SPEN: variants seen among roughly 807,000 people sequenced by gnomAD.
SPEN encodes msx2-interacting protein.
A neutral mutation model predicts 269.9 loss-of-function variants in SPEN; 18 were observed. The ratio of observed to expected loss-of-function variants is 0.07; its 90% CI spans 0.05 to 0.10. SPEN has a LOEUF of 0.10. SPEN is among the 10% of genes least tolerant of loss of function. The pLI, the probability that SPEN is intolerant of heterozygous loss-of-function variation, is 1.00. For synonymous variants in SPEN, 1,726 were observed against 1,765.7 expected (o/e 0.98, Z 0.56); for missense variants, 3,822 against 4,631.2 (o/e 0.83, Z 5.07).
At chr1:15,936,533 C>T (rs183467891) in intron 11 of SPEN, among the ~76,000 whole-genome samples, 7 of 151,488 alleles carry the variant, frequency 4.6e-5, no homozygotes, top group Non-Finnish European at 7.4e-5. Context: ...CCTGTGGTTT[C>T]AGCTACCTGG....
intron 3 of SPEN, among the ~76,000 whole-genome samples, chr1:15,883,366 G>C (rs1570001565): frequency 6.6e-6 from 1 of 152,136 alleles, no homozygotes; most frequent in Non-Finnish European, 1.5e-5. Context: ...TTAAGATATG[G>C]AAAGTCTTAT....
chr1:15,866,095 G>C (rs1387864059), intron 1 of SPEN, among the ~76,000 whole-genome samples: 2 of 151,692 alleles, frequency 1.3e-5, no homozygotes, highest in African/African-American at 4.8e-5. Flanking sequence ...TATTATTTTT[G>C]GCATAAGCTA....
chr1:15,863,004 G>A (rs370804944), intron 1 of SPEN, among the ~76,000 whole-genome samples: 93 of 152,158 alleles, frequency 6.1e-4, no homozygotes, highest in African/African-American at 2.2e-3. Flanking sequence ...CTTGTGGTCT[G>A]CCTACCTCAG....
At chr1:15,873,400 C>G in intron 2 of SPEN, 1 of 1,173,584 alleles carries the variant, frequency 8.5e-7, no homozygotes. Flanking sequence ...TTTGGAGTTA[C>G]CTGTCTTCTA....
chr1:15,866,498 C>T (rs1031642573), intron 1 of SPEN, among the ~76,000 whole-genome samples: 3 of 152,048 alleles, frequency 2.0e-5, no homozygotes, highest in East Asian at 1.9e-4. Context: ...GGACTACAGG[C>T]GCCTGCCACC....
At position 15,930,648 on chromosome 1, in the gene SPEN, C is replaced by G. The variant is rs769218008; in HGVS notation, c.4408C>G (p.Arg1470Gly). The G allele has an allele frequency of 3.7e-6, 6 of 1,614,018 alleles. No homozygotes were observed. The highest frequency in any genetic ancestry group is 4.2e-6 in the Non-Finnish European group (5 of 1,180,014). Residue 1470 changes from arginine (R) to glycine (G), a missense_variant, in exon 11 of 15, where the codon CGA becomes GGA. Coordinates refer to ENST00000375759, the MANE Select transcript of SPEN (RefSeq NM_015001.3). This position sits in a 1 kb window ranked among gnomAD's most constrained non-coding sequence, Gnocchi z 5.3. ...ENWSFLDWDS[R>G]FANFRNNKDK... Reference sequence around the variant, plus strand: ...TTGGTCTTTTCTTGATTGGGACTCCCGATTTGCAAATTTTCGAAACAACAA... The same window carrying G: ...TTGGTCTTTTCTTGATTGGGACTCCGGATTTGCAAATTTTCGAAACAACAA...
chr1:15,924,229 A>G (rs2071146276), intron 10 of SPEN, among the ~76,000 whole-genome samples: 1 of 152,216 alleles, frequency 6.6e-6, no homozygotes, highest in Non-Finnish European at 1.5e-5. Context: ...AAAATTCTCT[A>G]TCCTGGCTTC....
chr1:15,849,580 C>T (rs1276480324), intron 1 of SPEN, among the ~76,000 whole-genome samples: 1 of 151,848 alleles, frequency 6.6e-6, no homozygotes, highest in Non-Finnish European at 1.5e-5. Context: ...CAGGGACTCT[C>T]CCGGTGTTTA....
chr1:15,902,910 G>T (rs2070917501), intron 3 of SPEN, among the ~76,000 whole-genome samples: 1 of 152,044 alleles, frequency 6.6e-6, no homozygotes, highest in African/African-American at 2.4e-5. Context: ...GTTTATGCCA[G>T]AGTTTTGTTT....
At chr1:15,927,947 G>A (rs1570057255) in intron 10 of SPEN, 144 bp from the exon 11 acceptor site, 2 of 740,164 alleles carry the variant, frequency 2.7e-6, no homozygotes, top group Non-Finnish European at 4.3e-6. Context: ...ATAGTGGATA[G>A]CTACTACAAA....
intron 1 of SPEN, among the ~76,000 whole-genome samples, chr1:15,856,954 C>T (rs924756269): frequency 6.6e-6 from 1 of 152,136 alleles, no homozygotes; most frequent in Non-Finnish European, 1.5e-5. Flanking sequence ...AATTCTATCT[C>T]AGGAATTTTG....
In SPEN at chr1:15,937,613, C is replaced by G. The variant is rs556521426; in HGVS notation, c.10477C>G (p.Gln3493Glu). Residue 3493 changes from glutamine to glutamate, a missense_variant, in exon 12 of 15, where the codon CAG (glutamine) becomes GAG (glutamate). By Grantham distance (29) the Gln-to-Glu change is conservative (BLOSUM62 2). Coordinates refer to ENST00000375759, the MANE Select transcript of SPEN (RefSeq NM_015001.3). The surrounding 1 kb of genome is among the most constrained non-coding windows in gnomAD (Gnocchi z 5.7). ...KQDSSPHLTS[Q>E]RPVDMVQLLK... ...AGATTCCTCTCCACACCTGACTTCC[C>G]AGAGACCCGTGGATATGGTTCAACT... 2 of 1,613,984 alleles carry G rather than the reference C, an allele frequency of 1.2e-6. No homozygotes were observed. The highest frequency in any genetic ancestry group is 1.1e-5 in the South Asian group (1 of 91,084).
intron 3 of SPEN, among the ~76,000 whole-genome samples, chr1:15,894,483 A>AT (rs1395932917): frequency 6.8e-6 from 1 of 146,192 alleles, no homozygotes; most frequent in Non-Finnish European, 1.5e-5. Flanking sequence ...GCCTCTTTCC[A>AT]TTTTTGCTAC....
Position 15,933,110 on chromosome 1 carries a change from C to A in SPEN, c.6870C>A (p.Asp2290Glu). The A allele has an allele frequency of 6.2e-7, 1 of 1,614,160 alleles. No individual in the cohort carries two copies. The highest frequency in any genetic ancestry group is 8.5e-7 in the Non-Finnish European group (1 of 1,180,018). Residue 2290 changes from aspartate (D) to glutamate (E), a missense_variant, in exon 11 of 15, where the codon GAC (aspartate) becomes GAA (glutamate). Asp to Glu is a conservative substitution (Grantham distance 45). Coordinates refer to ENST00000375759, the MANE Select transcript of SPEN (RefSeq NM_015001.3). This position sits in a 1 kb window ranked among gnomAD's most constrained non-coding sequence, Gnocchi z 5.7. ...ESSRPPVNAP[D>E]PSAGPTDTKE... Reference sequence around the variant, plus strand: ...CTAGGCCTCCAGTCAATGCTCCTGACCCCTCAGCCGGCCCAACAGATACCA... The same window carrying A: ...CTAGGCCTCCAGTCAATGCTCCTGAACCCTCAGCCGGCCCAACAGATACCA...
At chr1:15,874,252 T>C (rs781367332) in intron 2 of SPEN, 9 of 1,366,236 alleles carry the variant, frequency 6.6e-6, no homozygotes, top group Non-Finnish European at 8.8e-6. Flanking sequence ...TTTCTTGTGG[T>C]TCATCTAAAT....
chr1:15,873,124 G>C lies in SPEN; in HGVS notation c.392G>C (p.Arg131Pro). The C allele has an allele frequency of 1.2e-6, 2 of 1,609,724 alleles. No homozygotes were observed. The highest frequency in any genetic ancestry group is 1.7e-6 in the Non-Finnish European group (2 of 1,176,756). Reference sequence around the variant, plus strand: ...CATGCACGAGAAGGACGTTATGAGCGGAGACTTGATGGGTAAGTTCCAAGG... The same window carrying C: ...CATGCACGAGAAGGACGTTATGAGCCGAGACTTGATGGGTAAGTTCCAAGG... The part of the protein sequence containing the change: ...SLHAREGRYE[R>P]RLDGASDNRE... The change falls in exon 2 of 15, where the codon CGG (arginine) becomes CCG (proline). Residue 131 changes from arginine to proline, a missense_variant. Arg to Pro is a moderately radical substitution (Grantham distance 103). Around this residue, in one of 16 missense-constraint regions of SPEN, gnomAD observed 327 missense variants for 350.8 expected, o/e 0.93. Coordinates refer to ENST00000375759, the MANE Select transcript of SPEN (RefSeq NM_015001.3).
intron 1 of SPEN, among the ~76,000 whole-genome samples, chr1:15,871,262 C>T (rs2070570141): frequency 6.6e-6 from 1 of 152,216 alleles, no homozygotes; most frequent in Non-Finnish European, 1.5e-5. Flanking sequence ...GCCACCACGC[C>T]TGGCCTCAAC....
At chr1:15,894,533 G>GTTTTTTTTTTTTTTTTTTT (rs35841965) in intron 3 of SPEN, among the ~76,000 whole-genome samples, 5 of 136,014 alleles carry the variant, frequency 3.7e-5, no homozygotes, top group African/African-American at 1.5e-4. Flanking sequence ...CCATATTATG[G>GTTTTTTTTTTTTTTTTTTT]TTGTTTTTTT....
intron 11 of SPEN, 32 bp downstream of exon 11, chr1:15,936,298 T>TTGGGCA: frequency 6.6e-7 from 1 of 1,513,078 alleles, no homozygotes; most frequent in South Asian, 1.3e-5. Flanking sequence ...CCACTGTCTG[T>TTGGGCA]TGGGCATGTG....
Sources: allele counts gnomAD v4.1 joint callset (sites outside exome capture counted in the v4.1 genomes callset), GRCh38; gene constraint gnomAD v4.1.1; regional missense constraint gnomAD v4.1.1; non-coding constraint Gnocchi (gnomAD v3.1); transcripts MANE v1.5; gene names NCBI Gene and HGNC (gene_info 2026-07-23, HGNC 2026-07-21).